IQCK: variants seen among roughly 807,000 people sequenced by gnomAD.
The protein encoded by IQCK is IQ motif containing K.
Under a neutral mutation model 28.1 loss-of-function variants are expected in IQCK, and 29 were observed. That is an observed-to-expected ratio of 1.03 (90% CI 0.77 to 1.41). IQCK has a LOEUF of 1.41. Ranked by LOEUF, IQCK falls within the 40% of genes most tolerant of loss-of-function variation. IQCK has a pLI of 0.00. For synonymous variants in IQCK, 113 were observed against 115.1 expected (o/e 0.98, Z 0.12); for missense variants, 359 against 314.7 (o/e 1.14, Z -1.07).
chr16:19,755,589 T>G (rs2055041253), intron 4 of IQCK, among the ~76,000 whole-genome samples: 1 of 152,112 alleles, frequency 6.6e-6, no homozygotes, highest in South Asian at 2.1e-4. Flanking sequence ...GGAGCTGAGC[T>G]CCACATAACT....
At position 19,849,261 on chromosome 16, in the gene IQCK, G is replaced by GTTT. The variant is rs71146276; in HGVS notation, c.803-7214_803-7212dup. ...TTTCAATCATTACATCTATGTTCAG[G>GTTT]TTTTTTTTTTTTTTATGTATTTGAG... On this transcript the variant is annotated intron_variant, in intron 9 of 9. Coordinates refer to the IQCK transcript ENST00000320394. 2.5e-3 allele frequency among the ~76,000 whole-genome samples: 362 copies of GTTT among 142,198 alleles called. 1 individual carries two copies. The highest frequency in any genetic ancestry group is 8.3e-3 in the African/African-American group (320 of 38,620). 93.3% of individuals were successfully genotyped at this position (142,198 alleles called of 152,430 possible). A position where few individuals can be genotyped will look rare whatever the true frequency, so the allele number is the denominator to read the frequency against.
At chr16:19,735,204 C>G in intron 3 of IQCK, 149 bp from the exon 4 acceptor site, 1 of 619,638 alleles carries the variant, frequency 1.6e-6, no homozygotes, top group Middle Eastern at 2.6e-4. Context: ...GTTATACAGC[C>G]CAGCTCTGTA....
At chr16:19,823,734 C>T (rs113874935) in intron 7 of IQCK, among the ~76,000 whole-genome samples, 3 of 152,208 alleles carry the variant, frequency 2.0e-5, no homozygotes, top group East Asian at 3.9e-4. Flanking sequence ...GTCAGGAGTT[C>T]GAGACCAGCC....
intron 1 of IQCK, among the ~76,000 whole-genome samples, chr16:19,719,880 C>T (rs1384551362): frequency 6.6e-6 from 1 of 151,634 alleles, no homozygotes; most frequent in Non-Finnish European, 1.5e-5. Context: ...ACCATTTTGG[C>T]CAGGCTGCTC....
At chr16:19,811,161 G>T (rs1018858659) in intron 7 of IQCK, among the ~76,000 whole-genome samples, 1 of 152,002 alleles carries the variant, frequency 6.6e-6, no homozygotes, top group Non-Finnish European at 1.5e-5. Context: ...GTGCATGCCC[G>T]TGGTCCCAGC....
In IQCK at chr16:19,823,553, G is replaced by T. The variant is rs138769013; in HGVS notation, c.691-3473G>T. 4.3e-3 allele frequency among the ~76,000 whole-genome samples: 656 copies of T among 152,262 alleles called. 6 individuals carry two copies. Among genetic ancestry groups the T allele is most frequent in the African/African-American group, 0.015 (621 of 41,550 alleles). ...CCTAGAGAGGGAAGCACTGACCGGG[G>T]CATGTGGCATGTGACTGCCCCAGTT... is the stretch of plus-strand genomic sequence containing the variant. On this transcript the variant is annotated intron_variant, in intron 7 of 7. Coordinates refer to ENST00000564186, the Ensembl canonical transcript of IQCK.
chr16:19,774,398 CTTTTTTTTTTT>C (rs1167894201), intron 6 of IQCK, among the ~76,000 whole-genome samples: 7 of 104,114 alleles, frequency 6.7e-5, no homozygotes, highest in East Asian at 6.5e-4. Context: ...TTAGCTAATA[CTTTTTTTTTTT>C]TTTTTTTTTT....
At chr16:19,830,162 G>A (rs1341053109), downstream of IQCK, among the ~76,000 whole-genome samples, 1 of 152,216 alleles carries the variant, frequency 6.6e-6, no homozygotes, top group Non-Finnish European at 1.5e-5. Flanking sequence ...AGCTATCACT[G>A]TTTGGCTGGC....
chr16:19,781,611 G>A (rs954426489), intron 6 of IQCK, among the ~76,000 whole-genome samples: 1 of 152,214 alleles, frequency 6.6e-6, no homozygotes, highest in Non-Finnish European at 1.5e-5. Context: ...CCATCCTAAC[G>A]GCTAGTCACC....
chr16:19,827,423 T>G (rs1383421762), downstream of IQCK, among the ~76,000 whole-genome samples: 1 of 152,210 alleles, frequency 6.6e-6, no homozygotes, highest in Non-Finnish European at 1.5e-5. Flanking sequence ...CCCATTATTT[T>G]GGAAACACAG....
chr16:19,768,923 T>G (rs527731608), intron 6 of IQCK, among the ~76,000 whole-genome samples: 28 of 152,302 alleles, frequency 1.8e-4, no homozygotes, highest in African/African-American at 6.7e-4. Context: ...GCCGCTTAGC[T>G]GGGTGGTCGT....
exon 10 of IQCK, chr16:19,858,280 A>C: frequency 2.4e-6 from 1 of 410,808 alleles, no homozygotes. Context: ...TAAAAGCCAA[A>C]ATAAAACAAA....
At chr16:19,843,370 A>C (rs1434948819) in intron 9 of IQCK, among the ~76,000 whole-genome samples, 4 of 152,102 alleles carry the variant, frequency 2.6e-5, no homozygotes, top group Admixed American at 2.6e-4. Flanking sequence ...ATCTCCCAAG[A>C]CTTCCAATCC....
At chr16:19,842,511 ACATCTTCTG>A (rs2056373104) in intron 9 of IQCK, among the ~76,000 whole-genome samples, 2 of 152,190 alleles carry the variant, frequency 1.3e-5, no homozygotes, top group African/African-American at 4.8e-5. Context: ...ATGTACTTTA[ACATCTTCTG>A]TAAAATTTTT....
At chr16:19,804,302 C>G (rs1053296949) in intron 7 of IQCK, among the ~76,000 whole-genome samples, 2 of 151,876 alleles carry the variant, frequency 1.3e-5, no homozygotes, top group African/African-American at 4.8e-5. Context: ...TGAGATCACA[C>G]CACTGCACTC....
intron 6 of IQCK, among the ~76,000 whole-genome samples, chr16:19,786,280 C>T (rs1256287908): frequency 1.3e-4 from 20 of 151,970 alleles, no homozygotes; most frequent in Admixed American, 7.9e-4. Flanking sequence ...CCGGGCGGGG[C>T]GGGTGGCTCA....
At chr16:19,832,480 C>T (rs921763971) in intron 9 of IQCK, among the ~76,000 whole-genome samples, 6 of 151,306 alleles carry the variant, frequency 4.0e-5, no homozygotes, top group Non-Finnish European at 7.4e-5. Flanking sequence ...TTAGTAGTTA[C>T]GGAAATACAC....
At chr16:19,763,065 AACT>A (rs1265638595) in intron 4 of IQCK, among the ~76,000 whole-genome samples, 1 of 152,136 alleles carries the variant, frequency 6.6e-6, no homozygotes, top group Non-Finnish European at 1.5e-5. Context: ...CTCAAAACTT[AACT>A]ACTAATAGCC....
chr16:19,726,778 A>G (rs908451690), intron 1 of IQCK, among the ~76,000 whole-genome samples: 2 of 152,178 alleles, frequency 1.3e-5, no homozygotes, highest in Admixed American at 1.3e-4. Context: ...TTCTGTGGGG[A>G]AATAATGGTG....
Sources: gnomAD v4.1 joint callset for allele counts (sites outside exome capture counted in the v4.1 genomes callset) on GRCh38, gnomAD v4.1.1 for gene constraint, MANE v1.5 for transcripts, NCBI Gene and HGNC (gene_info 2026-07-23, HGNC 2026-07-21) for gene names.